Variants in ITGB5 observed in about 807,000 individuals in gnomAD.
The protein encoded by ITGB5 is integrin subunit beta 5.
ITGB5 carries 38 observed loss-of-function variants against 84.8 expected under a neutral mutation model. That is an observed-to-expected ratio of 0.45 (90% CI 0.35 to 0.59). ITGB5 has a LOEUF of 0.59. Ranked by LOEUF, ITGB5 falls within the 20% of genes least tolerant of loss-of-function variation. ITGB5 has a pLI of 0.01. For synonymous variants in ITGB5, 393 were observed against 414.4 expected (o/e 0.95, Z 0.63); for missense variants, 905 against 1,034.5 (o/e 0.87, Z 1.72).
chr3:124,788,197 C>A (rs2064109843), intron 10 of ITGB5, among the ~76,000 whole-genome samples: 1 of 152,162 alleles, frequency 6.6e-6, no homozygotes, highest in African/African-American at 2.4e-5. Flanking sequence ...GCCACTGCAC[C>A]CAGCCCCGGG....
intron 2 of ITGB5, chr3:124,863,110 A>AG (rs1305134737): frequency 6.6e-6 from 1 of 152,230 alleles, no homozygotes; most frequent in Non-Finnish European, 1.5e-5. Context: ...CTTGCTATCT[A>AG]GGTCAGGCCA....
At chr3:124,888,488 T>C (rs934381109), upstream of ITGB5, among the ~76,000 whole-genome samples, 5 of 152,082 alleles carry the variant, frequency 3.3e-5, no homozygotes, top group East Asian at 1.9e-4. Flanking sequence ...GAGTGGTTGA[T>C]AGGCAAGAGA....
At chr3:124,884,762 C>T (rs1413469507) in intron 1 of ITGB5, among the ~76,000 whole-genome samples, 1 of 152,088 alleles carries the variant, frequency 6.6e-6, no homozygotes, top group African/African-American at 2.4e-5. Flanking sequence ...AACCACCATG[C>T]TCAGTGCTTT....
intron 4 of ITGB5, among the ~76,000 whole-genome samples, chr3:124,843,741 G>A (rs560188485): frequency 3.3e-5 from 5 of 152,248 alleles, no homozygotes; most frequent in African/African-American, 7.2e-5. Context: ...CTGAAGATCC[G>A]GACGTTCTGG....
At chr3:124,854,601 G>C (rs558979366) in intron 3 of ITGB5, among the ~76,000 whole-genome samples, 57 of 152,330 alleles carry the variant, frequency 3.7e-4, no homozygotes, top group African/African-American at 1.3e-3. Context: ...GCTGAAAGGG[G>C]AGGGTGGGAG....
intron 3 of ITGB5, chr3:124,857,455 A>C (rs1407575363): frequency 6.6e-6 from 1 of 152,316 alleles, no homozygotes; most frequent in Non-Finnish European, 1.5e-5. Context: ...CAGGGCCTCC[A>C]AGCTAGGGAC....
At chr3:124,799,728 T>C (rs1296171768) in intron 9 of ITGB5, among the ~76,000 whole-genome samples, 1 of 152,094 alleles carries the variant, frequency 6.6e-6, no homozygotes, top group African/African-American at 2.4e-5. Context: ...GTTGGTGGAT[T>C]TAGTCATGCT....
At chr3:124,855,514 A>G (rs2065211592) in intron 3 of ITGB5, among the ~76,000 whole-genome samples, 1 of 152,222 alleles carries the variant, frequency 6.6e-6, no homozygotes, top group African/African-American at 2.4e-5. Flanking sequence ...TATATTTTCA[A>G]AATTTTAAGA....
At chr3:124,858,126 C>G (rs1579303559) in intron 3 of ITGB5, among the ~76,000 whole-genome samples, 1 of 143,640 alleles carries the variant, frequency 7.0e-6, no homozygotes, top group Non-Finnish European at 1.5e-5. Context: ...AGAGCGATAC[C>G]CCATCTCAAA....
intron 9 of ITGB5, among the ~76,000 whole-genome samples, chr3:124,808,766 A>C (rs1246285067): frequency 6.6e-6 from 1 of 152,228 alleles, no homozygotes; most frequent in Non-Finnish European, 1.5e-5. Context: ...AAAACACCAA[A>C]GTCACGATGC....
intron 10 of ITGB5, among the ~76,000 whole-genome samples, chr3:124,786,087 C>T (rs540587746): frequency 1.5e-4 from 23 of 152,274 alleles, no homozygotes; most frequent in Non-Finnish European, 2.8e-4. Flanking sequence ...AGGCAATGCA[C>T]TGTAGACACA....
intron 5 of ITGB5, among the ~76,000 whole-genome samples, chr3:124,839,621 T>A (rs144266243): frequency 0.023 from 3,509 of 152,290 alleles, 56 homozygotes; most frequent in Non-Finnish European, 0.034. Flanking sequence ...TCTGCACTAT[T>A]TTTTTCCCTA....
chr3:124,769,420 G>A (rs2840061), intron 11 of ITGB5: 44,232 of 273,760 alleles, frequency 0.16, 3,929 homozygotes, highest in Admixed American at 0.25. Flanking sequence ...CTGGTGAGGA[G>A]TCTGCTCCAA....
At chr3:124,862,081 G>C (rs578179612) in intron 2 of ITGB5, 1 of 152,396 alleles carries the variant, frequency 6.6e-6, no homozygotes, top group South Asian at 2.1e-4. Flanking sequence ...TCAGGGGCTT[G>C]CCTGCCCAGT....
At chr3:124,878,664 G>A (rs1376080554) in intron 1 of ITGB5, 1 of 152,130 alleles carries the variant, frequency 6.6e-6, no homozygotes, top group Non-Finnish European at 1.5e-5. Context: ...AGGTACTCCA[G>A]GATCCAAAAC....
At position 124,829,920 on chromosome 3, in the gene ITGB5, AC is replaced by A. The variant is rs1249298492; in HGVS notation, c.781-8447del. ...TCTCAGTTCCTTAAAATCTGACCTC[AC>A]TCTCAGTCATCCATGAAAAGGGGAA... is the stretch of plus-strand genomic sequence containing the variant. On this transcript the variant is annotated intron_variant, in intron 5 of 14. Transcript: ENST00000296181. 2.6e-5 allele frequency among the ~76,000 whole-genome samples: 4 copies of A among 151,932 alleles called. No individual in the cohort carries two copies. In the East Asian group the frequency reaches 7.7e-4, roughly 29 times the overall value.
intron 2 of ITGB5, among the ~76,000 whole-genome samples, chr3:124,868,618 CAAA>C (rs67873873): frequency 0.038 from 2,615 of 68,252 alleles, 66 homozygotes; most frequent in African/African-American, 0.11. Flanking sequence ...TGTTCTCTAC[CAAA>C]AAAAAAAAAA....
At chr3:124,846,493 C>T (rs1028590757) in intron 4 of ITGB5, among the ~76,000 whole-genome samples, 6 of 151,314 alleles carry the variant, frequency 4.0e-5, no homozygotes, top group African/African-American at 7.3e-5. Flanking sequence ...GGAGACTCTA[C>T]GTTACTGCAG....
At chr3:124,855,031 GGCC>G (rs1245198932) in intron 3 of ITGB5, among the ~76,000 whole-genome samples, 1 of 152,116 alleles carries the variant, frequency 6.6e-6, no homozygotes, top group African/African-American at 2.4e-5. Context: ...ATACAATGGA[GGCC>G]CAGCGCAGTG....
Sources: allele counts gnomAD v4.1 joint callset (sites outside exome capture counted in the v4.1 genomes callset), GRCh38; gene constraint gnomAD v4.1.1; transcripts MANE v1.5; gene names NCBI Gene and HGNC (gene_info 2026-07-23, HGNC 2026-07-21).